The following HDAC9 variants were observed in gnomAD, a reference collection of about 807,000 sequenced individuals.
The protein encoded by HDAC9 is MEF-2 interacting transcription repressor (MITR) protein.
Under a neutral mutation model 139.4 loss-of-function variants are expected in HDAC9, and 41 were observed. That is an observed-to-expected ratio of 0.29 (90% CI 0.23 to 0.38). HDAC9 has a LOEUF of 0.38. Among genes scored for constraint, HDAC9 ranks in the 10% least tolerant of loss-of-function variants. The pLI, the probability that HDAC9 is intolerant of heterozygous loss-of-function variation, is 1.00. For missense variants in HDAC9, 1,147 were observed against 1,297.0 expected (o/e 0.88, Z 1.78); for synonymous variants, 517 against 476.2 (o/e 1.09, Z -1.12).
intron 1 of HDAC9, among the ~76,000 whole-genome samples, chr7:18,341,130 C>T (rs1781975055): frequency 6.6e-6 from 1 of 151,452 alleles, no homozygotes; most frequent in South Asian, 2.1e-4. Context: ...TCCCCCCTGA[C>T]TACTTTTAAG....
rs143870988 is a variant in HDAC9, at chr7:18,467,456, A to T, written c.-41-28806A>T. Among the ~76,000 whole-genome samples, 159 of 152,198 alleles carry T rather than the reference A, an allele frequency of 1.0e-3. 1 individual carries two copies. Among genetic ancestry groups the T allele is most frequent in the Middle Eastern group, 3.4e-3 (1 of 294 alleles). ...TTTTTCCTGCTTTCTTGCCTAAGTTATACTTATCTTTTAGACCTCTGATAA... is the reference window on the plus strand; with the variant it reads ...TTTTTCCTGCTTTCTTGCCTAAGTTTTACTTATCTTTTAGACCTCTGATAA... On this transcript the variant is annotated intron_variant, in intron 1 of 3. Coordinates refer to the HDAC9 transcript ENST00000413509.
chr7:18,857,539 G>A (rs1797782175), intron 21 of HDAC9, among the ~76,000 whole-genome samples: 1 of 151,966 alleles, frequency 6.6e-6, no homozygotes, highest in South Asian at 2.1e-4. Flanking sequence ...ATTTATAGCT[G>A]TAGTTTCTAG....
At chr7:18,450,692 T>G (rs549467831) in intron 1 of HDAC9, among the ~76,000 whole-genome samples, 1 of 152,330 alleles carries the variant, frequency 6.6e-6, no homozygotes, top group African/African-American at 2.4e-5. Flanking sequence ...GACTTGGAAT[T>G]GTGCTTTCAT....
chr7:18,764,458 T>C (rs917136350), intron 15 of HDAC9, among the ~76,000 whole-genome samples: 1 of 152,152 alleles, frequency 6.6e-6, no homozygotes, highest in Non-Finnish European at 1.5e-5. Context: ...AAGTCAACTG[T>C]ATCAACACTT....
intron 1 of HDAC9, among the ~76,000 whole-genome samples, chr7:18,152,178 G>T (rs1786830440): frequency 6.6e-6 from 1 of 151,866 alleles, no homozygotes. Context: ...GTAACACAGA[G>T]GCCCTGAATG....
At chr7:18,967,501 C>CA in intron 24 of HDAC9, among the ~76,000 whole-genome samples, 1 of 135,646 alleles carries the variant, frequency 7.4e-6, no homozygotes, top group African/African-American at 2.8e-5. Flanking sequence ...AAGTTGCCCC[C>CA]CCCCCAAAAA....
chr7:18,162,446 T>TG, intron 2 of HDAC9: 1 of 1,039,510 alleles, frequency 9.6e-7, no homozygotes, highest in Non-Finnish European at 1.4e-6. Flanking sequence ...TGAAGGAACT[T>TG]TTTTTTTTTT....
chr7:18,620,759 C>A (rs181748044), intron 6 of HDAC9, among the ~76,000 whole-genome samples: 2 of 152,092 alleles, frequency 1.3e-5, no homozygotes, highest in Non-Finnish European at 2.9e-5. Context: ...CTGTTACTTA[C>A]GGCCCCGATA....
intron 23 of HDAC9, 141 bp from the exon 24 acceptor site, chr7:18,954,005 G>T (rs1782978967): frequency 6.2e-6 from 4 of 641,510 alleles, no homozygotes; most frequent in South Asian, 5.6e-5. Flanking sequence ...TACACTTCTA[G>T]AACTAATATC....
rs80299847 is a variant in HDAC9 at position 18,533,185 on chromosome 7, T to C, written c.22+36861T>C. Among the ~76,000 whole-genome samples, 32 of 152,334 alleles carry C rather than the reference T, an allele frequency of 2.1e-4. 1 individual carries two copies. In the East Asian group the frequency reaches 6.2e-3, roughly 29 times the overall value. ...ATTTATCTGGTTTTGTATACTTGCA[T>C]GTTTCTACCATGTGCTTAAAAATAA... On this transcript the variant is annotated intron_variant, in intron 2 of 25. Transcript: ENST00000686413.
chr7:18,983,090 C>T (rs1341143929), intron 25 of HDAC9, among the ~76,000 whole-genome samples: 4 of 152,070 alleles, frequency 2.6e-5, no homozygotes, highest in South Asian at 4.1e-4. Flanking sequence ...AGCCATTGAC[C>T]AGCTCCTTCA....
chr7:18,411,002 A>G (rs1788496532), intron 1 of HDAC9, among the ~76,000 whole-genome samples: 1 of 152,210 alleles, frequency 6.6e-6, no homozygotes, highest in Non-Finnish European at 1.5e-5. Context: ...AGTTTTGGAA[A>G]TCATTTCTTG....
At chr7:18,706,726 A>T (rs1442405665) in intron 12 of HDAC9, among the ~76,000 whole-genome samples, 2 of 152,200 alleles carry the variant, frequency 1.3e-5, no homozygotes, top group Non-Finnish European at 2.9e-5. Flanking sequence ...GGGTGCTGCT[A>T]AACATCTTAC....
intron 24 of HDAC9, among the ~76,000 whole-genome samples, chr7:18,954,565 C>A (rs1259736421): frequency 6.6e-6 from 1 of 151,822 alleles, no homozygotes; most frequent in East Asian, 1.9e-4. Context: ...TAGTTATCTC[C>A]TAATGATGTT....
intron 25 of HDAC9, among the ~76,000 whole-genome samples, chr7:18,984,447 G>C (rs1369056264): frequency 6.6e-6 from 1 of 152,056 alleles, no homozygotes; most frequent in African/African-American, 2.4e-5. Flanking sequence ...TCAGTATTAA[G>C]CTTTCACAGA....
chr7:18,226,416 G>GA (rs541214446), intron 2 of HDAC9, among the ~76,000 whole-genome samples: 13 of 147,006 alleles, frequency 8.8e-5, no homozygotes, highest in South Asian at 2.2e-4. Flanking sequence ...TAACTCCCAG[G>GA]AAAAAAAAAA....
chr7:18,476,327 A>G (rs922655975), intron 1 of HDAC9, among the ~76,000 whole-genome samples: 1 of 152,140 alleles, frequency 6.6e-6, no homozygotes, highest in Non-Finnish European at 1.5e-5. Flanking sequence ...TCACAATAAA[A>G]AGTATTTCCC....
At chr7:18,984,019 A>G (rs1785128336) in intron 25 of HDAC9, among the ~76,000 whole-genome samples, 1 of 151,458 alleles carries the variant, frequency 6.6e-6, no homozygotes, top group Non-Finnish European at 1.5e-5. Flanking sequence ...CCGACCACTA[A>G]CCCCCAAATT....
At chr7:18,122,721 C>T (rs1413011014) in intron 1 of HDAC9, among the ~76,000 whole-genome samples, 1 of 152,100 alleles carries the variant, frequency 6.6e-6, no homozygotes, top group Non-Finnish European at 1.5e-5. Context: ...CAAGTTCAAG[C>T]GATTCTCCTG....
Sources: allele counts gnomAD v4.1 joint callset (sites outside exome capture counted in the v4.1 genomes callset), GRCh38; gene constraint gnomAD v4.1.1; transcripts MANE v1.5; gene names NCBI Gene and HGNC (gene_info 2026-07-23, HGNC 2026-07-21).